Variants in TTC7A observed in about 807,000 individuals in gnomAD.
TTC7A encodes tetratricopeptide repeat protein 7A.
In TTC7A, 110 loss-of-function variants were observed where a neutral mutation model predicts 103.7. The observed-to-expected ratio is 1.06, with a 90% CI of 0.91 to 1.24. TTC7A has a LOEUF of 1.24. Among genes scored for constraint, TTC7A ranks in the 50% most tolerant of loss-of-function variants. TTC7A has a pLI of 0.00. For synonymous variants in TTC7A, 521 were observed against 467.9 expected (o/e 1.11, Z -1.47); for missense variants, 1,340 against 1,116.3 (o/e 1.20, Z -2.86).
intron 2 of TTC7A, among the ~76,000 whole-genome samples, chr2:46,925,065 A>G (rs1195919565): frequency 6.6e-6 from 1 of 152,222 alleles, no homozygotes; most frequent in African/African-American, 2.4e-5. Flanking sequence ...TTCAGCTTTC[A>G]GTATTTTTCT....
At position 46,941,491 on chromosome 2, in the gene TTC7A, G is replaced by T. The variant is rs770432555; in HGVS notation, c.-51G>T. ...CGCCCCAGCCAGGACGCCGCCCCCGGCCGGGTCTCCACTTCTTGGCCGCAC... is the reference window on the plus strand; with the variant it reads ...CGCCCCAGCCAGGACGCCGCCCCCGTCCGGGTCTCCACTTCTTGGCCGCAC... On this transcript the variant is annotated 5_prime_UTR_variant, in exon 1 of 20. Coordinates refer to ENST00000319190, the MANE Select transcript of TTC7A (RefSeq NM_020458.4). This position sits in a 1 kb window ranked among gnomAD's most constrained non-coding sequence, Gnocchi z 4.2. 2.0e-6 allele frequency: 3 copies of T among 1,524,818 alleles called. No individual in the cohort carries two copies. The highest frequency in any genetic ancestry group is 2.6e-6 in the Non-Finnish European group (3 of 1,134,646). The allele number at this position is 1,524,818 out of a possible 1,614,324, so 94.5% of individuals were successfully genotyped here.
intron 1 of TTC7A, among the ~76,000 whole-genome samples, chr2:46,945,734 C>CT (rs5830929): frequency 0.2 from 30,687 of 151,684 alleles, 3,734 homozygotes; most frequent in African/African-American, 0.34. Flanking sequence ...CGCCGCCCCA[C>CT]TTTTTTTTTC....
chr2:47,051,527 G>T (rs139592802), intron 17 of TTC7A, among the ~76,000 whole-genome samples: 1 of 152,214 alleles, frequency 6.6e-6, no homozygotes, highest in African/African-American at 2.4e-5. Flanking sequence ...ATCTCTGCCT[G>T]ATTTTCCTCC....
intron 2 of TTC7A, among the ~76,000 whole-genome samples, chr2:46,930,435 G>GAAA (rs56691862): frequency 0.088 from 10,519 of 120,120 alleles, 490 homozygotes; most frequent in Middle Eastern, 0.14. Context: ...GTATTCCTAG[G>GAAA]AAAAAAAAAA....
At chr2:46,940,996 C>T (rs1670284060), upstream of TTC7A, among the ~76,000 whole-genome samples, 1 of 151,824 alleles carries the variant, frequency 6.6e-6, no homozygotes, top group Non-Finnish European at 1.5e-5. This position sits in a 1 kb window ranked among gnomAD's most constrained non-coding sequence, Gnocchi z 4.7. Context: ...CGCCCCCGGG[C>T]GCCGGGGCTC....
Position 46,941,435 on chromosome 2 carries a change from T to C in TTC7A, c.-107T>C, listed in dbSNP as rs1246047899. The C allele has an allele frequency of 4.1e-6, 5 of 1,232,834 alleles. No homozygotes were observed. The highest frequency in any genetic ancestry group is 2.5e-5 in the South Asian group (1 of 39,974). 76.4% of individuals were successfully genotyped at this position (1,232,834 alleles called of 1,614,324 possible). A position where few individuals can be genotyped will look rare whatever the true frequency, so the allele number is the denominator to read the frequency against. On this transcript the variant is annotated 5_prime_UTR_variant, in exon 1 of 20. Transcript: ENST00000319190. The surrounding 1 kb of genome is among the most constrained non-coding windows in gnomAD (Gnocchi z 4.2). ...GCTGCCGCCCGGGCCCCGGCTGCCG[T>C]CTGCGCCCCCGTCGACCCCGCCCGC...
At chr2:46,984,990 C>CA (rs1177467115) in intron 5 of TTC7A, among the ~76,000 whole-genome samples, 1 of 152,168 alleles carries the variant, frequency 6.6e-6, no homozygotes, top group Non-Finnish European at 1.5e-5. Context: ...TCACCATTCT[C>CA]AAAGGATGTC....
At chr2:47,072,872 A>T (rs947481806) in intron 19 of TTC7A, among the ~76,000 whole-genome samples, 1 of 152,192 alleles carries the variant, frequency 6.6e-6, no homozygotes, top group African/African-American at 2.4e-5. Context: ...GTGTGGGTAG[A>T]AGAGGATGTA....
chr2:47,073,444 C>T (rs1042738772), intron 19 of TTC7A, among the ~76,000 whole-genome samples: 6 of 152,226 alleles, frequency 3.9e-5, no homozygotes, highest in African/African-American at 1.4e-4. Flanking sequence ...GACTTGAAAG[C>T]CAGTTCCTCG....
At chr2:46,975,505 C>G (rs578034810) in intron 4 of TTC7A, among the ~76,000 whole-genome samples, 23 of 151,830 alleles carry the variant, frequency 1.5e-4, no homozygotes, top group Non-Finnish European at 2.6e-4. Flanking sequence ...ACTCCTTCTC[C>G]GAGCCTTTCA....
In TTC7A at chr2:47,073,972, C is replaced by G. The variant is rs776157500; in HGVS notation, c.*49C>G. On this transcript the variant is annotated 3_prime_UTR_variant, in exon 20 of 20. Transcript: ENST00000319190. ...AGGGGCTGGCCAGAGGGAGAGGCAG[C>G]AGGGAACGTGGGTCAGGGTGGGGCA... 8 of 1,520,264 alleles carry G rather than the reference C, an allele frequency of 5.3e-6. No individual in the cohort carries two copies. The East Asian group carries it at 1.9e-4, about 36-fold the overall frequency. The allele number at this position is 1,520,264 out of a possible 1,614,324, so 94.2% of individuals were successfully genotyped here. A position where few individuals can be genotyped will look rare whatever the true frequency, so the allele number is the denominator to read the frequency against.
intron 3 of TTC7A, among the ~76,000 whole-genome samples, chr2:46,957,725 C>G (rs901577946): frequency 6.6e-6 from 1 of 152,180 alleles, no homozygotes; most frequent in East Asian, 1.9e-4. Context: ...GTCATCCTAC[C>G]CCAAACTTTG....
chr2:46,955,331 G>A lies in TTC7A; in HGVS notation c.349-1508G>A, dbSNP rs571676932. 3.7e-3 allele frequency among the ~76,000 whole-genome samples: 557 copies of A among 152,338 alleles called. 1 individual carries two copies. The highest frequency in any genetic ancestry group is 5.6e-3 in the Non-Finnish European group (379 of 68,024). Reference sequence around the variant, plus strand: ...CATACCTCTGGGATGTGTCATCTGTGGCCCTGGCCCAGGGAGTGGATGGCC... The same window carrying A: ...CATACCTCTGGGATGTGTCATCTGTAGCCCTGGCCCAGGGAGTGGATGGCC... On this transcript the variant is annotated intron_variant, in intron 2 of 19. Transcript: ENST00000319190.
At chr2:47,047,120 A>G (rs541373418) in intron 16 of TTC7A, 329 of 614,578 alleles carry the variant, frequency 5.4e-4, no homozygotes, top group Admixed American at 6.2e-5. Flanking sequence ...GGCTTAGCCT[A>G]TGTGGCCCAA....
intron 5 of TTC7A, among the ~76,000 whole-genome samples, chr2:46,988,726 G>C (rs547755243): frequency 6.6e-6 from 1 of 152,354 alleles, no homozygotes; most frequent in South Asian, 2.1e-4. Context: ...AGTCCCAGGA[G>C]TTCTGGAGTT....
At chr2:46,974,475 G>C (rs1673658270) in intron 3 of TTC7A, among the ~76,000 whole-genome samples, 1 of 152,156 alleles carries the variant, frequency 6.6e-6, no homozygotes. Flanking sequence ...GTTGTCTCTA[G>C]AGGCAGTCTC....
chr2:47,047,810 A>G (rs1363530364), intron 16 of TTC7A, among the ~76,000 whole-genome samples: 1 of 152,196 alleles, frequency 6.6e-6, no homozygotes, highest in Non-Finnish European at 1.5e-5. Context: ...GGAAGCCCCT[A>G]AGCACCTCTC....
chr2:46,995,338 C>T (rs1433853202), intron 8 of TTC7A, 139 bp downstream of exon 8: 4 of 826,542 alleles, frequency 4.8e-6, no homozygotes, highest in Admixed American at 2.4e-5. Flanking sequence ...GCTTCTTGGC[C>T]CTGGGCCCCC....
chr2:46,981,361 C>G (rs1378420489), intron 5 of TTC7A, among the ~76,000 whole-genome samples: 1 of 151,912 alleles, frequency 6.6e-6, no homozygotes, highest in East Asian at 1.9e-4. Flanking sequence ...CAAAGTTGCT[C>G]GATGTGGGGG....
Sources: allele counts gnomAD v4.1 joint callset (sites outside exome capture counted in the v4.1 genomes callset), GRCh38; gene constraint gnomAD v4.1.1; non-coding constraint Gnocchi (gnomAD v3.1); transcripts MANE v1.5; gene names NCBI Gene and HGNC (gene_info 2026-07-23, HGNC 2026-07-21).